Variants in HPSE2 observed in about 807,000 individuals in gnomAD.
HPSE2 encodes inactive heparanase-2.
HPSE2 carries 38 observed loss-of-function variants against 60.5 expected under a neutral mutation model. That is an observed-to-expected ratio of 0.63 (90% CI 0.48 to 0.82). HPSE2 has a LOEUF of 0.82. Among genes scored for constraint, HPSE2 ranks in the 40% least tolerant of loss-of-function variants. The pLI is 0.00. For missense variants in HPSE2, 713 were observed against 740.4 expected (o/e 0.96, Z 0.43); for synonymous variants, 295 against 293.2 (o/e 1.01, Z -0.06).
intron 11 of HPSE2, among the ~76,000 whole-genome samples, chr10:98,480,496 C>T (rs778591165): frequency 1.7e-4 from 26 of 152,130 alleles, no homozygotes; most frequent in Middle Eastern, 6.8e-3. Context: ...CTTTAGTCAC[C>T]CTTAAGGATA....
chr10:99,282,819 A>T, the HPSE2 span, among the ~76,000 whole-genome samples: 1 of 152,186 alleles, frequency 6.6e-6, no homozygotes, highest in Admixed American at 6.5e-5. Flanking sequence ...TAAAAATGAA[A>T]ATATAACATA....
intron 3 of HPSE2, among the ~76,000 whole-genome samples, chr10:99,055,002 G>A (rs1485523833): frequency 6.6e-6 from 1 of 152,090 alleles, no homozygotes; most frequent in Non-Finnish European, 1.5e-5. Flanking sequence ...GTGAGCCACT[G>A]TGCCCGGCCT....
At chr10:98,505,803 G>T (rs1455135273) in intron 9 of HPSE2, among the ~76,000 whole-genome samples, 1 of 152,056 alleles carries the variant, frequency 6.6e-6, no homozygotes, top group Non-Finnish European at 1.5e-5. Flanking sequence ...TTAGTGATCT[G>T]AAATGCCCCG....
chr10:99,143,017 C>T (rs1375223945), intron 3 of HPSE2, among the ~76,000 whole-genome samples: 1 of 151,970 alleles, frequency 6.6e-6, no homozygotes, highest in Non-Finnish European at 1.5e-5. Flanking sequence ...ACTGAAAAAA[C>T]CTGAAGAAAC....
At chr10:98,822,020 C>A (rs1418619392) in intron 3 of HPSE2, among the ~76,000 whole-genome samples, 2 of 152,140 alleles carry the variant, frequency 1.3e-5, no homozygotes, top group Admixed American at 6.6e-5. Flanking sequence ...AACAAATTTA[C>A]GGTATGGTCC....
chr10:99,156,609 T>C (rs201134319), intron 2 of HPSE2, among the ~76,000 whole-genome samples: 21,833 of 109,972 alleles, frequency 0.2, 3,312 homozygotes, highest in Admixed American at 0.31. Context: ...TTCAAAATAA[T>C]AAGAGCTATC....
intron 4 of HPSE2, among the ~76,000 whole-genome samples, chr10:98,737,822 G>A (rs552230804): frequency 3.9e-5 from 6 of 152,168 alleles, no homozygotes; most frequent in Admixed American, 1.3e-4. Flanking sequence ...AAGGAAATAA[G>A]AGAGGACACA....
chr10:98,875,347 C>A (rs1952848383), intron 3 of HPSE2, among the ~76,000 whole-genome samples: 1 of 152,006 alleles, frequency 6.6e-6, no homozygotes, highest in Admixed American at 6.6e-5. Flanking sequence ...AAGGAGATAT[C>A]ACCACTGACT....
intron 6 of HPSE2, among the ~76,000 whole-genome samples, chr10:98,687,991 A>G (rs1947961477): frequency 1.3e-5 from 2 of 151,440 alleles, no homozygotes; most frequent in Admixed American, 6.6e-5. Flanking sequence ...TTGCTATTTG[A>G]TTTTTTTCCC....
At chr10:98,501,238 C>T (rs1266592299) in intron 9 of HPSE2, among the ~76,000 whole-genome samples, 2 of 151,822 alleles carry the variant, frequency 1.3e-5, no homozygotes, top group Non-Finnish European at 2.9e-5. Context: ...AAGAACATAA[C>T]CAAAAAAAGA....
At chr10:99,132,777 T>G (rs1845495008) in intron 3 of HPSE2, among the ~76,000 whole-genome samples, 1 of 152,110 alleles carries the variant, frequency 6.6e-6, no homozygotes. Context: ...ACCCCACCAG[T>G]GCCCTAAGTT....
chr10:98,747,258 T>G (rs1949652284), intron 3 of HPSE2, among the ~76,000 whole-genome samples: 1 of 152,204 alleles, frequency 6.6e-6, no homozygotes, highest in East Asian at 1.9e-4. Flanking sequence ...ATTTTCATAA[T>G]TTTTGGTTTC....
intron 3 of HPSE2, among the ~76,000 whole-genome samples, chr10:99,123,916 G>A (rs756518354): frequency 5.3e-5 from 8 of 152,154 alleles, no homozygotes; most frequent in Non-Finnish European, 1.0e-4. Context: ...GAGACCCAGA[G>A]TGGGTAGCTC....
chr10:98,547,345 C>T (rs1040283621), intron 9 of HPSE2, among the ~76,000 whole-genome samples: 3 of 148,304 alleles, frequency 2.0e-5, no homozygotes, highest in African/African-American at 7.5e-5. Flanking sequence ...GCTATAAAGA[C>T]ACATGCACAC....
chr10:98,949,434 T>C (rs940671752), intron 3 of HPSE2, among the ~76,000 whole-genome samples: 4 of 152,042 alleles, frequency 2.6e-5, no homozygotes, highest in Non-Finnish European at 5.9e-5. Flanking sequence ...CAAAGTTGTG[T>C]CAGAGATGTA....
the HPSE2 span, among the ~76,000 whole-genome samples, chr10:99,274,776 G>A: frequency 6.6e-6 from 1 of 152,222 alleles, no homozygotes. Flanking sequence ...TACTGCAGCT[G>A]TCTGAAAAAT....
At chr10:98,742,974 CTTTTTTTT>C (rs35772316) in intron 4 of HPSE2, among the ~76,000 whole-genome samples, 1 of 99,782 alleles carries the variant, frequency 1.0e-5, no homozygotes, top group Non-Finnish European at 2.1e-5. Context: ...CTTTTCTTTT[CTTTTTTTT>C]TTTTTTTTTT....
chr10:99,140,930 C>T (rs903332343), intron 3 of HPSE2, among the ~76,000 whole-genome samples: 6 of 152,120 alleles, frequency 3.9e-5, no homozygotes, highest in African/African-American at 1.2e-4. Flanking sequence ...CCAGCTACTC[C>T]GGAGGCTGAG....
intron 3 of HPSE2, among the ~76,000 whole-genome samples, chr10:99,104,918 C>CG (rs1844176174): frequency 6.6e-6 from 1 of 151,170 alleles, no homozygotes; most frequent in Non-Finnish European, 1.5e-5. Flanking sequence ...GTCGTGGGGT[C>CG]GGGGGAGAGG....
Sources: allele counts gnomAD v4.1 joint callset (sites outside exome capture counted in the v4.1 genomes callset), GRCh38; gene constraint gnomAD v4.1.1; transcripts MANE v1.5; gene names NCBI Gene and HGNC (gene_info 2026-07-23, HGNC 2026-07-21).